The following GPATCH8 variants were observed in gnomAD, a reference collection of about 807,000 sequenced individuals.
The protein encoded by GPATCH8 is G patch domain-containing protein 8.
A neutral mutation model predicts 118.3 loss-of-function variants in GPATCH8; 18 were observed. The ratio of observed to expected loss-of-function variants is 0.15; its 90% CI spans 0.11 to 0.23. The LOEUF (loss-of-function observed/expected upper bound fraction) is 0.23. Ranked by LOEUF, GPATCH8 falls within the 10% of genes least tolerant of loss-of-function variation. The pLI, the probability that GPATCH8 is intolerant of heterozygous loss-of-function variation, is 1.00. For missense variants in GPATCH8, 1,631 were observed against 1,873.8 expected, an observed-to-expected ratio of 0.87 and a Z score of 2.39; for synonymous variants, 659 against 684.7, an observed-to-expected ratio of 0.96 and a Z score of 0.59.
chr17:44,503,208 C>A lies in GPATCH8; in HGVS notation c.45+118G>T. 3 of 890,904 alleles carry A rather than the reference C, an allele frequency of 3.4e-6. 1 individual carries two copies. The highest frequency in any genetic ancestry group is 2.8e-5 in the South Asian group (2 of 70,994). The allele number at this position is 890,904 out of a possible 1,614,324, so 55.2% of individuals were successfully genotyped here. ...TGAGAAAGCAGAGACGGGAGAAGAGCGAGCTGGTTCGCAAGTCGGAGCAAA... is the reference window on the plus strand; with the variant it reads ...TGAGAAAGCAGAGACGGGAGAAGAGAGAGCTGGTTCGCAAGTCGGAGCAAA... On this transcript the variant is annotated intron_variant, in intron 1 of 7. Transcript: ENST00000591680.
chr17:44,499,214 C>T (rs1344768932), intron 1 of GPATCH8, among the ~76,000 whole-genome samples: 1 of 152,186 alleles, frequency 6.6e-6, no homozygotes, highest in African/African-American at 2.4e-5. Flanking sequence ...AGCCTGTAAT[C>T]CCAGCACTTT....
chr17:44,405,529 G>A (rs1035321909), intron 7 of GPATCH8, among the ~76,000 whole-genome samples: 1 of 142,984 alleles, frequency 7.0e-6, no homozygotes, highest in African/African-American at 2.6e-5. Context: ...TTTTGAGACA[G>A]AGTCTTGCTC....
chr17:44,400,132 C>G lies in GPATCH8; in HGVS notation c.1945G>C (p.Gly649Arg). ...CSGLNKQEPG[G>R]SHGSETEDTG... The stretch of plus-strand genomic sequence containing the variant: ...TCTTCTGTCTCAGACCCATGGCTAC[C>G]CCCAGGCTCCTGCTTGTTCAGGCCG... Residue 649 changes from glycine (G) to arginine (R), a missense_variant, in exon 8 of 8, where the codon GGT becomes CGT. Gly to Arg is a moderately radical substitution (Grantham distance 125). Coordinates refer to ENST00000591680, the MANE Select transcript of GPATCH8 (RefSeq NM_001002909.4). The G allele has an allele frequency of 6.2e-7, 1 of 1,613,946 alleles. No individual in the cohort carries two copies. Among genetic ancestry groups the G allele is most frequent in the Non-Finnish European group, 8.5e-7 (1 of 1,180,004 alleles).
chr17:44,492,602 AAG>A (rs1969342897), intron 1 of GPATCH8, among the ~76,000 whole-genome samples: 3 of 152,070 alleles, frequency 2.0e-5, no homozygotes, highest in Admixed American at 2.0e-4. Context: ...ACAAAAAAAA[AAG>A]AGGGGGAGAT....
rs2049203209 is a variant in GPATCH8, at chr17:44,405,906, A to T, written c.623+15T>A. 3 of 1,580,200 alleles carry T rather than the reference A, an allele frequency of 1.9e-6. No individual in the cohort carries two copies. The highest frequency in any genetic ancestry group is 2.6e-6 in the Non-Finnish European group (3 of 1,149,266). On this transcript the variant is annotated intron_variant, in intron 7 of 7. Coordinates refer to ENST00000591680, the MANE Select transcript of GPATCH8 (RefSeq NM_001002909.4). ...ATAATTATCTGTACAACCCTCTGAT[A>T]AAAAATATCCTCACCATTCAGCTTG...
At chr17:44,421,639 C>T (rs75506571) in intron 6 of GPATCH8, among the ~76,000 whole-genome samples, 2,215 of 149,372 alleles carry the variant, frequency 0.015, 51 homozygotes, top group Non-Finnish European at 0.017. Flanking sequence ...GCTGGGATTA[C>T]AGGCACGAGC....
rs775605565 is a variant in GPATCH8, at chr17:44,398,940, C to T, written c.3137G>A (p.Gly1046Asp). 4 of 1,614,052 alleles carry T rather than the reference C, an allele frequency of 2.5e-6. No homozygotes were observed. Among genetic ancestry groups the T allele is most frequent in the Admixed American group, 3.3e-5 (2 of 59,996 alleles). Residue 1046 changes from glycine (G) to aspartate (D), a missense_variant, in exon 8 of 8, where the codon GGT becomes GAT. Physicochemically the swap from Gly to Asp is moderately conservative, Grantham distance 94 (BLOSUM62 -1). This residue lies in a region of GPATCH8 where 922 missense variants were observed against 879.7 expected (regional missense o/e 1.05). Transcript: ENST00000591680. ...TCTGCCATCATCTTTCTTCCCAGGA[C>T]CTTCTCCCCGGCCTGATCGGAAATA... The part of the protein sequence containing the change: ...PHYFRSGRGE[G>D]PGKKDDGRGD...
At chr17:44,453,971 G>A (rs760131379) in intron 3 of GPATCH8, among the ~76,000 whole-genome samples, 3 of 151,510 alleles carry the variant, frequency 2.0e-5, no homozygotes, top group Admixed American at 6.6e-5. Context: ...GTTAAAAAAC[G>A]CATAAAATCC....
In GPATCH8 at chr17:44,400,756, T is replaced by G. The variant is rs376349086; in HGVS notation, c.1321A>C (p.Lys441Gln). 1.2e-5 allele frequency: 19 copies of G among 1,613,822 alleles called. No individual in the cohort carries two copies. The highest frequency in any genetic ancestry group is 1.5e-5 in the Non-Finnish European group (18 of 1,179,844). Residue 441 changes from lysine to glutamine, a missense_variant, in exon 8 of 8, where the codon AAG (lysine) becomes CAG (glutamine). By Grantham distance (53) the Lys-to-Gln change is moderately conservative. This residue lies in a region of GPATCH8 where 405 missense variants were observed against 462.7 expected (regional missense o/e 0.88). Transcript: ENST00000591680. ...APESKKGSSP[K>Q]PKSCIKAAAS... ...GCCGCCTTGATGCAGCTTTTAGGCTTGGGAGAACTGCCTTTTTTACTCTCT... is the reference window on the plus strand; with the variant it reads ...GCCGCCTTGATGCAGCTTTTAGGCTGGGGAGAACTGCCTTTTTTACTCTCT...
In GPATCH8 at chr17:44,396,817, C is replaced by T; in HGVS notation, c.*751G>A. ...AATTAAGAAGGAAACATCAACACAACAGAAGAAAATATACCCTTCACTTTA... is the reference window on the plus strand; with the variant it reads ...AATTAAGAAGGAAACATCAACACAATAGAAGAAAATATACCCTTCACTTTA... On this transcript the variant is annotated 3_prime_UTR_variant, in exon 8 of 8. Coordinates refer to ENST00000591680, the MANE Select transcript of GPATCH8 (RefSeq NM_001002909.4). 2.2e-6 allele frequency: 1 copy of T among 454,412 alleles called. No homozygotes were observed. The highest frequency in any genetic ancestry group is 4.4e-6 in the Non-Finnish European group (1 of 226,770). The allele number at this position is 454,412 out of a possible 1,614,324, so 28.1% of individuals were successfully genotyped here.
At chr17:44,487,841 T>A (rs1037972333) in intron 1 of GPATCH8, among the ~76,000 whole-genome samples, 1 of 152,204 alleles carries the variant, frequency 6.6e-6, no homozygotes, top group Non-Finnish European at 1.5e-5. Context: ...GTGATTGCTG[T>A]TAATATTTTA....
intron 3 of GPATCH8, among the ~76,000 whole-genome samples, chr17:44,449,013 C>T (rs1244883135): frequency 6.6e-6 from 1 of 152,272 alleles, no homozygotes; most frequent in African/African-American, 2.4e-5. Flanking sequence ...TGGTGGCTCA[C>T]GCCTGTAATC....
rs774461978 is a variant in GPATCH8, at chr17:44,397,904, G to A, written c.4173C>T (p.Ile1391=). Residue 1391 remains isoleucine (I), a synonymous_variant, in exon 8 of 8, where the codon ATC becomes ATT. Coordinates refer to ENST00000591680, the MANE Select transcript of GPATCH8 (RefSeq NM_001002909.4). Reference sequence around the variant, plus strand: ...GGGGATGGGGGTGAGGGTGAATGCCGATGGCGGCAGCAGCTGCGGCAGCAT... The same window carrying A: ...GGGGATGGGGGTGAGGGTGAATGCCAATGGCGGCAGCAGCTGCGGCAGCAT... ...QHHAAAAAAA[I]GIHPHPHPQP... The A allele has an allele frequency of 6.8e-6, 11 of 1,611,920 alleles. No individual in the cohort carries two copies. The highest frequency in any genetic ancestry group is 4.4e-5 in the South Asian group (4 of 91,052).
chr17:44,460,967 G>A (rs944767971), intron 3 of GPATCH8, among the ~76,000 whole-genome samples: 1 of 152,184 alleles, frequency 6.6e-6, no homozygotes, highest in East Asian at 1.9e-4. Context: ...CCGACACTAG[G>A]AAGTAAACAG....
At chr17:44,416,275 T>C (rs2049680535) in intron 6 of GPATCH8, among the ~76,000 whole-genome samples, 1 of 152,060 alleles carries the variant, frequency 6.6e-6, no homozygotes, top group South Asian at 2.1e-4. Context: ...CCTCCCAAAA[T>C]GCCGGGAATA....
At chr17:44,452,369 C>G (rs1000796279) in intron 3 of GPATCH8, among the ~76,000 whole-genome samples, 1 of 151,146 alleles carries the variant, frequency 6.6e-6, no homozygotes, top group Non-Finnish European at 1.5e-5. Flanking sequence ...GAGTATCTAC[C>G]TCAAAGAGGA....
chr17:44,479,827 C>T (rs991816454), intron 1 of GPATCH8, among the ~76,000 whole-genome samples: 1 of 151,892 alleles, frequency 6.6e-6, no homozygotes, highest in South Asian at 2.1e-4. Context: ...ATTAGCCGGG[C>T]ATGGTGGTGC....
Position 44,397,515 on chromosome 17 carries a change from G to T in GPATCH8, c.*53C>A, listed in dbSNP as rs569257493. 8 of 1,240,104 alleles carry T rather than the reference G, an allele frequency of 6.5e-6. No homozygotes were observed. The Admixed American group carries it at 1.2e-4, about 18-fold the overall frequency. The allele number at this position is 1,240,104 out of a possible 1,614,324, so 76.8% of individuals were successfully genotyped here. A position where few individuals can be genotyped will look rare whatever the true frequency, so the allele number is the denominator to read the frequency against. On this transcript the variant is annotated 3_prime_UTR_variant, in exon 8 of 8. Transcript: ENST00000591680. The stretch of plus-strand genomic sequence containing the variant: ...GTATTAATGGCTCAACACCCCCAAG[G>T]GAACATTTATGGGTCTCCTCCCCTG...
In GPATCH8 at chr17:44,399,478, G is replaced by A. The variant is rs200033732; in HGVS notation, c.2599C>T (p.Arg867Trp). The A allele has an allele frequency of 2.0e-5, 32 of 1,614,042 alleles. No homozygotes were observed. The Admixed American group carries it at 2.7e-4, about 13-fold the overall frequency. Residue 867 changes from arginine to tryptophan, a missense_variant, in exon 8 of 8, where the codon CGG becomes TGG. By Grantham distance (101) the Arg-to-Trp change is moderately radical. Coordinates refer to ENST00000591680, the MANE Select transcript of GPATCH8 (RefSeq NM_001002909.4). Reference sequence around the variant, plus strand: ...TCTGAGCTACTTGAGTAAGAACGCCGGGAGGAACGATGCGAGGAATGGCGC... The same window carrying A: ...TCTGAGCTACTTGAGTAAGAACGCCAGGAGGAACGATGCGAGGAATGGCGC... ...GRRHSSHRSS[R>W]RSYSSSSDAS...
Sources: allele counts gnomAD v4.1 joint callset (sites outside exome capture counted in the v4.1 genomes callset), GRCh38; gene constraint gnomAD v4.1.1; regional missense constraint gnomAD v4.1.1; transcripts MANE v1.5; gene names NCBI Gene and HGNC (gene_info 2026-07-23, HGNC 2026-07-21).